SH2B1: variants seen among roughly 807,000 people sequenced by gnomAD.
The protein encoded by SH2B1 is SH2B adapter protein 1.
A neutral mutation model predicts 62.6 loss-of-function variants in SH2B1; 15 were observed. The observed-to-expected ratio is 0.24, with a 90% confidence interval of 0.16 to 0.37. The LOEUF (loss-of-function observed/expected upper bound fraction) is 0.37, where lower values mean the gene tolerates loss of function less well. SH2B1 is among the 10% of genes least tolerant of loss of function. The pLI is 1.00. For synonymous variants in SH2B1, 443 were observed against 438.0 expected (o/e 1.01, Z -0.14); for missense variants, 925 against 1,015.6 (o/e 0.91, Z 1.21).
chr16:28,851,028 G>A (rs1962087092), intron 1 of SH2B1, among the ~76,000 whole-genome samples: 1 of 151,184 alleles, frequency 6.6e-6, no homozygotes, highest in Non-Finnish European at 1.5e-5. Flanking sequence ...ACAAAAATTA[G>A]CTGGGCATGG....
rs1296902187 is a variant in SH2B1, at chr16:28,852,778, A to G, written c.-301+5951A>G. Among the ~76,000 whole-genome samples, 10 of 74,882 alleles carry G rather than the reference A, an allele frequency of 1.3e-4. 3 individuals carry two copies. Among genetic ancestry groups the G allele is most frequent in the Non-Finnish European group, 2.4e-4 (10 of 41,698 alleles). The allele number at this position is 74,882 out of a possible 152,430, so 49.1% of individuals were successfully genotyped here. On this transcript the variant is annotated intron_variant, in intron 1 of 10. Coordinates refer to the SH2B1 transcript ENST00000322610. ...TATATGTATATATATATTTATATAT[A>G]TATTTACATATATATTTACATATAT...
At chr16:28,867,125 C>T (rs1962759084) in intron 1 of SH2B1, 92 bp downstream of exon 1, 20 of 1,537,942 alleles carry the variant, frequency 1.3e-5, no homozygotes, top group Non-Finnish European at 1.6e-5. Context: ...GGTTTACCAG[C>T]CCATGGCCCT....
At chr16:28,854,499 T>A (rs1260016559) in intron 1 of SH2B1, among the ~76,000 whole-genome samples, 1 of 152,034 alleles carries the variant, frequency 6.6e-6, no homozygotes, top group Non-Finnish European at 1.5e-5. Flanking sequence ...TGCCTGTATG[T>A]AATCCCAGCA....
upstream of SH2B1, chr16:28,863,486 C>T (rs1962521019): frequency 1.7e-6 from 1 of 584,784 alleles, no homozygotes. Flanking sequence ...TTCACACAGC[C>T]TCATCATCTC....
At position 28,852,749 on chromosome 16, in the gene SH2B1, CAT is replaced by C. The variant is rs1302513137; in HGVS notation, c.-301+5929_-301+5930del. 3.8e-3 allele frequency among the ~76,000 whole-genome samples: 144 copies of C among 37,602 alleles called. 26 individuals are homozygous for C. The highest frequency in any genetic ancestry group is 0.059 in the Middle Eastern group (2 of 34). The allele number at this position is 37,602 out of a possible 152,430, so 24.7% of individuals were successfully genotyped here. A position where few individuals can be genotyped will look rare whatever the true frequency, so the allele number is the denominator to read the frequency against. ...TTATATATATACATATATATATTTA[CAT>C]ATATATGTATATATATATTTATATA... is the stretch of plus-strand genomic sequence containing the variant. On this transcript the variant is annotated intron_variant, in intron 1 of 10. Transcript: ENST00000322610.
At chr16:28,853,522 CTT>C (rs543507752) in intron 1 of SH2B1, among the ~76,000 whole-genome samples, 3 of 127,128 alleles carry the variant, frequency 2.4e-5, no homozygotes, top group Non-Finnish European at 3.2e-5. Flanking sequence ...CCCACTTTTT[CTT>C]TTTTTTTTTT....
upstream of SH2B1, among the ~76,000 whole-genome samples, chr16:28,860,818 T>C (rs1596615974): frequency 0.029 from 2 of 70 alleles, no homozygotes; most frequent in East Asian, 0.2. Flanking sequence ...CCAGATTTGT[T>C]TTTTTTTTAA....
At position 28,873,698 on chromosome 16, in the gene SH2B1, G is replaced by A. The variant is rs775937151; in HGVS notation, c.2149G>A (p.Ala717Thr). Reference sequence around the variant, plus strand: ...AGCCCCAGGCTCAGAGGCCCAGGGCGCTGGGTCTGGTGGGGACGCGGGGGT... The same window carrying A: ...AGCCCCAGGCTCAGAGGCCCAGGGCACTGGGTCTGGTGGGGACGCGGGGGT... ...AIAPGSEAQG[A>T]GSGGDAGVPP... Residue 717 changes from alanine to threonine, a missense_variant, in exon 8 of 8, where the codon GCT becomes ACT. Physicochemically the swap from Ala to Thr is moderately conservative, Grantham distance 58. Around this residue, in one of 3 missense-constraint regions of SH2B1, gnomAD observed 185 missense variants for 189.5 expected, o/e 0.98. Coordinates refer to ENST00000684370, the MANE Select transcript of SH2B1 (RefSeq NM_001387430.1). This position sits in a 1 kb window ranked among gnomAD's most constrained non-coding sequence, Gnocchi z 4.2. The A allele has an allele frequency of 1.3e-5, 20 of 1,513,792 alleles. No homozygotes were observed. Among genetic ancestry groups the A allele is most frequent in the Middle Eastern group, 1.7e-4 (1 of 5,736 alleles). 93.8% of individuals were successfully genotyped at this position (1,513,792 alleles called of 1,614,324 possible).
At chr16:28,858,170 C>A (rs918945863) in intron 1 of SH2B1, among the ~76,000 whole-genome samples, 6 of 152,170 alleles carry the variant, frequency 3.9e-5, no homozygotes, top group African/African-American at 1.4e-4. Flanking sequence ...GTGACCAGGC[C>A]CTATCCTGAA....
chr16:28,859,486 T>C (rs1397949654), upstream of SH2B1, among the ~76,000 whole-genome samples: 2 of 152,098 alleles, frequency 1.3e-5, no homozygotes, highest in Non-Finnish European at 2.9e-5. Flanking sequence ...CCAGGGTTGT[T>C]TAAGCTGGTA....
chr16:28,872,694 A>G lies in SH2B1; in HGVS notation c.1886A>G (p.Gln629Arg). 6.2e-7 allele frequency: 1 copy of G among 1,614,136 alleles called. No individual in the cohort carries two copies. Among genetic ancestry groups the G allele is most frequent in the Non-Finnish European group, 8.5e-7 (1 of 1,180,018 alleles). ...VVLVSYVPSSQRQQEPTTSHD... is the reference protein window; with the variant it reads ...VVLVSYVPSSRRQQEPTTSHD... ...CTTGTCAGCTATGTCCCATCCTCCC[A>G]GCGACAGCAGGGTGAGCAGAGCAGG... Residue 629 changes from glutamine (Q) to arginine (R), a missense_variant, in exon 7 of 8, where the codon CAG becomes CGG. Transcript: ENST00000684370. The surrounding 1 kb of genome is among the most constrained non-coding windows in gnomAD (Gnocchi z 5.3).
rs1278868396 is a variant in SH2B1, at chr16:28,853,047, TA to T, written c.-301+6221del. 1.7e-3 allele frequency among the ~76,000 whole-genome samples: 166 copies of T among 95,952 alleles called. 7 individuals are homozygous for T. Among genetic ancestry groups the T allele is most frequent in the African/African-American group, 8.2e-3 (139 of 17,004 alleles). 62.9% of individuals were successfully genotyped at this position (95,952 alleles called of 152,430 possible). A position where few individuals can be genotyped will look rare whatever the true frequency, so the allele number is the denominator to read the frequency against. ...GTACATATATATGTACATATATATTTATATATGTACATATATATGTACATAT... is the reference window on the plus strand; with the variant it reads ...GTACATATATATGTACATATATATTTTATATGTACATATATATGTACATAT... On this transcript the variant is annotated intron_variant, in intron 1 of 10. Coordinates refer to the SH2B1 transcript ENST00000322610.
chr16:28,852,238 A>G (rs1962121141), intron 1 of SH2B1, among the ~76,000 whole-genome samples: 1 of 102,336 alleles, frequency 9.8e-6, no homozygotes, highest in Non-Finnish European at 1.8e-5. Flanking sequence ...ATTTACATAT[A>G]TATATTTACA....
rs1379806936 is a variant in SH2B1 at position 28,872,016 on chromosome 16, C to T, written c.1513+33C>T. On this transcript the variant is annotated intron_variant, in intron 5 of 7. Transcript: ENST00000684370. This position sits in a 1 kb window ranked among gnomAD's most constrained non-coding sequence, Gnocchi z 5.3. ...AGGTGTGAGTGTGCATGTCTCCAGG[C>T]CTGGGTGCCTACCTTCCTGACCACC... The T allele has an allele frequency of 7.1e-7, 1 of 1,418,154 alleles. No homozygotes were observed. Among genetic ancestry groups the T allele is most frequent in the Non-Finnish European group, 1.0e-6 (1 of 1,002,610 alleles). 87.8% of individuals were successfully genotyped at this position (1,418,154 alleles called of 1,614,324 possible). A position where few individuals can be genotyped will look rare whatever the true frequency, so the allele number is the denominator to read the frequency against.
chr16:28,864,022 T>G lies in SH2B1; in HGVS notation c.-2073T>G. ...ACCCGGCCCTGGCGCCCGAGAGGAT[T>G]CCTGGGTGGGGGTGGGCGTGGAGGG... is the stretch of plus-strand genomic sequence containing the variant. On this transcript the variant is annotated 5_prime_UTR_variant, in exon 1 of 8. The change creates a new upstream start codon in the 5' untranslated region. Coordinates refer to ENST00000684370, the MANE Select transcript of SH2B1 (RefSeq NM_001387430.1). 1.4e-5 allele frequency: 19 copies of G among 1,358,002 alleles called. No homozygotes were observed. The highest frequency in any genetic ancestry group is 1.5e-5 in the South Asian group (1 of 66,390). 84.1% of individuals were successfully genotyped at this position (1,358,002 alleles called of 1,614,324 possible).
chr16:28,852,848 ATAT>A (rs1962198290), intron 1 of SH2B1, among the ~76,000 whole-genome samples: 1 of 42,936 alleles, frequency 2.3e-5, no homozygotes, highest in East Asian at 3.9e-4. Context: ...ATACATATAT[ATAT>A]TTTTATATAT....
chr16:28,854,856 C>T (rs1038016173), intron 1 of SH2B1, among the ~76,000 whole-genome samples: 2 of 152,134 alleles, frequency 1.3e-5, no homozygotes, highest in Non-Finnish European at 2.9e-5. Flanking sequence ...TTCCTCACTC[C>T]CCTGGCTGCA....
chr16:28,847,008 G>C (rs1301417271), intron 1 of SH2B1, among the ~76,000 whole-genome samples: 1 of 152,158 alleles, frequency 6.6e-6, no homozygotes, highest in South Asian at 2.1e-4. Flanking sequence ...GCCCTGTGAG[G>C]TCAGGCAGCT....
Position 28,866,879 on chromosome 16 carries a change from C to G in SH2B1, c.785C>G (p.Ala262Gly). ...LLSFMGAEEA[A>G]PDPAGVGRGG... Reference sequence around the variant, plus strand: ...AGTTTCATGGGGGCTGAGGAGGCAGCCCCTGACCCAGCCGGAGTGGGCCGG... The same window carrying G: ...AGTTTCATGGGGGCTGAGGAGGCAGGCCCTGACCCAGCCGGAGTGGGCCGG... Residue 262 changes from alanine (A) to glycine (G), a missense_variant, in exon 1 of 8, where the codon GCC (alanine) becomes GGC (glycine). By Grantham distance (60) the Ala-to-Gly change is moderately conservative. Coordinates refer to ENST00000684370, the MANE Select transcript of SH2B1 (RefSeq NM_001387430.1). This position sits in a 1 kb window ranked among gnomAD's most constrained non-coding sequence, Gnocchi z 6.3. 11 of 1,611,040 alleles carry G rather than the reference C, an allele frequency of 6.8e-6. No homozygotes were observed. The highest frequency in any genetic ancestry group is 9.3e-6 in the Non-Finnish European group (11 of 1,178,810).
Sources: gnomAD v4.1 joint callset for allele counts (sites outside exome capture counted in the v4.1 genomes callset) on GRCh38, gnomAD v4.1.1 for gene constraint, gnomAD v4.1.1 regional missense constraint, Gnocchi (gnomAD v3.1) non-coding constraint, MANE v1.5 for transcripts, NCBI Gene and HGNC (gene_info 2026-07-23, HGNC 2026-07-21) for gene names.